NDUFB5: variants seen among roughly 807,000 people sequenced by gnomAD.
NDUFB5 encodes NADH:ubiquinone oxidoreductase subunit B5.
A neutral mutation model predicts 19.4 loss-of-function variants in NDUFB5; 19 were observed. The ratio of observed to expected loss-of-function variants is 0.98; its 90% CI spans 0.68 to 1.43. NDUFB5 has a LOEUF of 1.43. Among genes scored for constraint, NDUFB5 ranks in the 40% most tolerant of loss-of-function variants. The pLI, the probability that NDUFB5 is intolerant of heterozygous loss-of-function variation, is 0.00. For synonymous variants in NDUFB5, 80 were observed against 82.6 expected, an observed-to-expected ratio of 0.97 and a Z score of 0.17; for missense variants, 233 against 236.5, an observed-to-expected ratio of 0.99 and a Z score of 0.10.
intron 2 of NDUFB5, chr3:179,615,345 A>G (rs1056888617): frequency 1.5e-5 from 4 of 265,488 alleles, no homozygotes; most frequent in South Asian, 4.5e-5. Flanking sequence ...CTGTGTTCCT[A>G]TAACTAAAAT....
chr3:179,623,510 C>T (rs572961770), intron 5 of NDUFB5, among the ~76,000 whole-genome samples: 1 of 152,226 alleles, frequency 6.6e-6, no homozygotes, highest in South Asian at 2.1e-4. Context: ...CCTGTCTCCA[C>T]TAAAAATACA....
chr3:179,614,862 A>G (rs1409364779), intron 1 of NDUFB5, 109 bp from the exon 2 acceptor site: 4 of 737,606 alleles, frequency 5.4e-6, no homozygotes, highest in African/African-American at 5.4e-5. Context: ...CATCCTGCTT[A>G]TGAGCTACAA....
At chr3:179,621,184 C>T (rs1719524186) in intron 5 of NDUFB5, among the ~76,000 whole-genome samples, 1 of 151,828 alleles carries the variant, frequency 6.6e-6, no homozygotes, top group African/African-American at 2.4e-5. Context: ...TTCAAGCTGT[C>T]CTCCCACCCA....
intron 1 of NDUFB5, among the ~76,000 whole-genome samples, chr3:179,611,642 C>A (rs546841578): frequency 1.3e-5 from 2 of 151,946 alleles, no homozygotes; most frequent in African/African-American, 2.4e-5. Flanking sequence ...TCAGGTGATC[C>A]GCCCGCCTCA....
chr3:179,616,036 G>A lies in NDUFB5; in HGVS notation c.267G>A (p.Val89=), dbSNP rs769382846. 2.5e-6 allele frequency: 4 copies of A among 1,613,308 alleles called. No homozygotes were observed. Among genetic ancestry groups the A allele is most frequent in the Non-Finnish European group, 3.4e-6 (4 of 1,179,624 alleles). The change falls in exon 3 of 6, where the codon GTG becomes GTA. Residue 89 remains valine (V), a synonymous_variant. Transcript: ENST00000259037. ...CAGTAGCAATTTTCATAACTCTGGT[G>A]AATGTATTCATTGGTAAGTCACTTC... ...GIPVAIFITL[V]NVFIGQAELA... is the part of the protein sequence containing the mutation.
chr3:179,606,950 T>C (rs1553780615), intron 1 of NDUFB5, among the ~76,000 whole-genome samples: 1 of 152,248 alleles, frequency 6.6e-6, no homozygotes, highest in Non-Finnish European at 1.5e-5. Flanking sequence ...CTACATTCCT[T>C]GATGAAAATC....
intron 3 of NDUFB5, among the ~76,000 whole-genome samples, chr3:179,616,561 A>T (rs750262477): frequency 8.6e-5 from 13 of 152,038 alleles, no homozygotes; most frequent in Non-Finnish European, 1.6e-4. Context: ...AAAAAACTAT[A>T]ATCCTCTTAC....
intron 5 of NDUFB5, among the ~76,000 whole-genome samples, chr3:179,621,318 T>G (rs1213288217): frequency 6.6e-6 from 1 of 152,124 alleles, no homozygotes; most frequent in Non-Finnish European, 1.5e-5. Flanking sequence ...GTTCAAGCGA[T>G]CCACCCTCTG....
chr3:179,607,853 A>G (rs1391705889), intron 1 of NDUFB5: 1 of 699,596 alleles, frequency 1.4e-6, no homozygotes, highest in Non-Finnish European at 2.6e-6. Context: ...ACTTAGCATA[A>G]TATCCCCAAG....
intron 1 of NDUFB5, among the ~76,000 whole-genome samples, chr3:179,608,305 C>T (rs551236074): frequency 1.3e-5 from 2 of 152,172 alleles, no homozygotes; most frequent in South Asian, 2.1e-4. Flanking sequence ...GATTCTCCTG[C>T]CTCAGCCTCC....
chr3:179,616,794 A>G (rs974411580), intron 3 of NDUFB5, among the ~76,000 whole-genome samples, 189 bp from the exon 4 acceptor site: 1 of 152,202 alleles, frequency 6.6e-6, no homozygotes, highest in African/African-American at 2.4e-5. Context: ...GATGTCTAAA[A>G]ATGTCTAACA....
intron 1 of NDUFB5, among the ~76,000 whole-genome samples, chr3:179,609,837 T>A (rs796169587): frequency 1.5e-4 from 23 of 152,334 alleles, no homozygotes; most frequent in African/African-American, 5.3e-4. Context: ...TGATTTGCAT[T>A]TCTCTAATTA....
intron 1 of NDUFB5, 137 bp from the exon 2 acceptor site, chr3:179,614,832 CCT>C: frequency 3.9e-6 from 2 of 509,706 alleles, no homozygotes; most frequent in African/African-American, 3.9e-5. Flanking sequence ...ACATCTCACA[CCT>C]GAGTGTGAAA....
chr3:179,614,826 C>T (rs1050422603), intron 1 of NDUFB5, 145 bp from the exon 2 acceptor site: 29 of 486,254 alleles, frequency 6.0e-5, no homozygotes, highest in Non-Finnish European at 9.6e-5. Context: ...GGAGGCACAT[C>T]TCACACCTGA....
chr3:179,621,277 C>T (rs1190867610), intron 5 of NDUFB5, among the ~76,000 whole-genome samples: 5 of 151,900 alleles, frequency 3.3e-5, no homozygotes, highest in Admixed American at 2.6e-4. Context: ...ATAGTTTCAC[C>T]GTGTTGCCTA....
chr3:179,604,830 T>G lies in NDUFB5; in HGVS notation c.15T>G (p.Ser5Arg), dbSNP rs764032575. ...CCGTAGTAGCCATGGCGGCCATGAG[T>G]TTGTTGCGGCGGGTTTCGGTTACTG... MAAM[S>R]LLRRVSVTAV... Residue 5 changes from serine (S) to arginine (R), a missense_variant, in exon 1 of 6, where the codon AGT becomes AGG. By Grantham distance (110) the Ser-to-Arg change is moderately radical. Transcript: ENST00000259037. 6.2e-6 allele frequency: 10 copies of G among 1,606,630 alleles called. No individual in the cohort carries two copies. Among genetic ancestry groups the G allele is most frequent in the Non-Finnish European group, 8.5e-6 (10 of 1,178,280 alleles).
chr3:179,623,917 C>G lies in NDUFB5; in HGVS notation c.450-3C>G. 6.2e-7 allele frequency: 1 copy of G among 1,613,180 alleles called. No homozygotes were observed. Among genetic ancestry groups the G allele is most frequent in the Non-Finnish European group, 8.5e-7 (1 of 1,179,734 alleles). On this transcript the variant is annotated splice_region_variant and splice_polypyrimidine_tract_variant and intron_variant, in intron 5 of 5. Transcript: ENST00000259037. ...CTCAATATTGCTGTTCCATTTGTTA[C>G]AGGGTAAAGGAGCTGGAAGTGCGAA...
chr3:179,621,502 T>C (rs1719535148), intron 5 of NDUFB5, among the ~76,000 whole-genome samples: 1 of 150,512 alleles, frequency 6.6e-6, no homozygotes, highest in African/African-American at 2.4e-5. Context: ...TTTTCTTTTT[T>C]TTTTTTTTTT....
rs1313188990 is a variant in NDUFB5, at chr3:179,625,148, C to A, written c.*1108C>A. On this transcript the variant is annotated 3_prime_UTR_variant, in exon 6 of 6. Coordinates refer to ENST00000259037, the MANE Select transcript of NDUFB5 (RefSeq NM_002492.4). Reference sequence around the variant, plus strand: ...CTGAGGCTCAGATGTTAAACACAAACTCAGTATTTACAAAAATAAACATTT... The same window carrying A: ...CTGAGGCTCAGATGTTAAACACAAAATCAGTATTTACAAAAATAAACATTT... The A allele has an allele frequency of 1.3e-5, 2 of 152,176 alleles. No homozygotes were observed. The highest frequency in any genetic ancestry group is 4.8e-5 in the African/African-American group (2 of 41,438). The allele number at this position is 152,176 out of a possible 1,614,324, so 9.4% of individuals were successfully genotyped here.
Sources: gnomAD v4.1 joint callset for allele counts (sites outside exome capture counted in the v4.1 genomes callset) on GRCh38, gnomAD v4.1.1 for gene constraint, MANE v1.5 for transcripts, NCBI Gene and HGNC (gene_info 2026-07-23, HGNC 2026-07-21) for gene names.